The following PRKAG2 variants were observed in gnomAD, a reference collection of about 807,000 sequenced individuals.
PRKAG2 encodes the protein 5'-AMP-activated protein kinase subunit gamma-2.
PRKAG2 carries 26 observed loss-of-function variants against 69.6 expected under a neutral mutation model. The ratio of observed to expected loss-of-function variants is 0.37; its 90% CI spans 0.27 to 0.52. The LOEUF is 0.52. Ranked by LOEUF, PRKAG2 falls within the 20% of genes least tolerant of loss-of-function variation. PRKAG2 has a pLI of 0.90. For missense variants in PRKAG2, 557 were observed against 740.0 expected (o/e 0.75, Z 2.87); for synonymous variants, 293 against 285.0 (o/e 1.03, Z -0.28).
chr7:151,792,718 C>T lies in PRKAG2; in HGVS notation c.115-6177G>A, dbSNP rs144220213. Among the ~76,000 whole-genome samples, 777 of 152,358 alleles carry T rather than the reference C, an allele frequency of 5.1e-3. 5 individuals carry two copies. The highest frequency in any genetic ancestry group is 0.018 in the African/African-American group (753 of 41,580). On this transcript the variant is annotated intron_variant, in intron 1 of 15. Coordinates refer to ENST00000287878, the MANE Select transcript of PRKAG2 (RefSeq NM_016203.4). ...CACCTCAGGGCAAACTCGAGGTTTACAATATCAGGGTCACGATACAACATT... is the reference window on the plus strand; with the variant it reads ...CACCTCAGGGCAAACTCGAGGTTTATAATATCAGGGTCACGATACAACATT...
chr7:151,565,583 G>A lies in PRKAG2; in HGVS notation c.1399+137C>T, dbSNP rs1010727893. ...AATTAAACTTTTTTTACGATCCTGC[G>A]TGCCCCTTGGTGCTGAATTTATTCA... On this transcript the variant is annotated intron_variant, in intron 12 of 15. Coordinates refer to ENST00000287878, the MANE Select transcript of PRKAG2 (RefSeq NM_016203.4). 73 of 1,221,012 alleles carry A rather than the reference G, an allele frequency of 6.0e-5. No individual in the cohort carries two copies. The African/African-American group carries it at 6.8e-4, about 11-fold the overall frequency. 75.6% of individuals were successfully genotyped at this position (1,221,012 alleles called of 1,614,324 possible).
chr7:151,770,062 A>G (rs2075946937), intron 3 of PRKAG2, among the ~76,000 whole-genome samples: 1 of 152,120 alleles, frequency 6.6e-6, no homozygotes, highest in Non-Finnish European at 1.5e-5. Flanking sequence ...CTCCCTTGCT[A>G]ACCACCATTA....
At position 151,788,464 on chromosome 7, in the gene PRKAG2, C is replaced by T. The variant is rs73485961; in HGVS notation, c.115-1923G>A. ...TTGTTTGGAGAAATGTCCATTCAGG[C>T]CATTTGTCTATCTTGTTTGGAGAAA... On this transcript the variant is annotated intron_variant, in intron 1 of 15. Transcript: ENST00000287878. This position sits in a 1 kb window ranked among gnomAD's most constrained non-coding sequence, Gnocchi z 4.6. 0.01 allele frequency among the ~76,000 whole-genome samples: 1,595 copies of T among 152,264 alleles called. 23 individuals are homozygous for T. The highest frequency in any genetic ancestry group is 0.036 in the African/African-American group (1,485 of 41,544).
At chr7:151,744,001 A>G (rs181567918) in intron 3 of PRKAG2, among the ~76,000 whole-genome samples, 9 of 152,318 alleles carry the variant, frequency 5.9e-5, no homozygotes, top group African/African-American at 2.2e-4. Flanking sequence ...TACACAGCAG[A>G]GCTGGGGGCG....
At chr7:151,865,292 A>C (rs2151909432) in intron 1 of PRKAG2, among the ~76,000 whole-genome samples, 1 of 152,388 alleles carries the variant, frequency 6.6e-6, no homozygotes, top group Admixed American at 6.5e-5. Flanking sequence ...GGCGATGGGC[A>C]GACATGCAGG....
chr7:151,807,281 G>C lies in PRKAG2; in HGVS notation c.115-20740C>G. 2.5e-6 allele frequency: 1 copy of C among 395,872 alleles called. No homozygotes were observed. The highest frequency in any genetic ancestry group is 5.1e-6 in the Non-Finnish European group (1 of 194,576). 24.5% of individuals were successfully genotyped at this position (395,872 alleles called of 1,614,324 possible). On this transcript the variant is annotated intron_variant, in intron 1 of 15. Transcript: ENST00000287878. This position sits in a 1 kb window ranked among gnomAD's most constrained non-coding sequence, Gnocchi z 4.4. The stretch of plus-strand genomic sequence containing the variant: ...GCCAGTCAGCCACCAGCAGACCCAT[G>C]GGATAGGGGAAGAAAAACAAGCAAT...
chr7:151,570,433 T>C (rs2151015534), intron 9 of PRKAG2, among the ~76,000 whole-genome samples: 1 of 152,262 alleles, frequency 6.6e-6, no homozygotes, highest in Non-Finnish European at 1.5e-5. Context: ...GATGTTGCAT[T>C]TGAAGAAAAA....
intron 3 of PRKAG2, among the ~76,000 whole-genome samples, chr7:151,773,374 T>C (rs999945592): frequency 3.3e-5 from 5 of 152,220 alleles, no homozygotes; most frequent in Non-Finnish European, 7.3e-5. Flanking sequence ...ATCTATTCCA[T>C]TAAAGCAGAG....
At chr7:151,648,399 G>A (rs1196542302) in intron 4 of PRKAG2, among the ~76,000 whole-genome samples, 1 of 152,182 alleles carries the variant, frequency 6.6e-6, no homozygotes, top group Non-Finnish European at 1.5e-5. Flanking sequence ...TCCCACCGTG[G>A]TCCTCATGCC....
At chr7:151,786,378 G>A in intron 2 of PRKAG2, 92 bp downstream of exon 2, 2 of 1,262,032 alleles carry the variant, frequency 1.6e-6, no homozygotes, top group South Asian at 2.5e-5. Context: ...TGGGCGTGAG[G>A]GTGAACACAC....
In PRKAG2 at chr7:151,568,847, G is replaced by A; in HGVS notation, c.1107-5C>T. 1.2e-6 allele frequency: 2 copies of A among 1,613,532 alleles called. No homozygotes were observed. The highest frequency in any genetic ancestry group is 2.2e-5 in the South Asian group (2 of 91,040). On this transcript the variant is annotated splice_polypyrimidine_tract_variant and splice_region_variant and intron_variant, in intron 10 of 15. Coordinates refer to ENST00000287878, the MANE Select transcript of PRKAG2 (RefSeq NM_016203.4). Reference sequence around the variant, plus strand: ...GAGTATACAGCATCGAAGAGGCTGTGGGAGAAGTCATTAAAGTTGTTAGGA... The same window carrying A: ...GAGTATACAGCATCGAAGAGGCTGTAGGAGAAGTCATTAAAGTTGTTAGGA...
chr7:151,832,527 C>T (rs1388398943), intron 1 of PRKAG2, among the ~76,000 whole-genome samples: 1 of 151,648 alleles, frequency 6.6e-6, no homozygotes, highest in Middle Eastern at 3.4e-3. Flanking sequence ...AACACCCCCT[C>T]AGAGGAAGGA....
At chr7:151,709,772 CTG>C (rs1171296385) in intron 3 of PRKAG2, among the ~76,000 whole-genome samples, 2 of 152,152 alleles carry the variant, frequency 1.3e-5, no homozygotes, top group African/African-American at 2.4e-5. Context: ...GTTTCTTACA[CTG>C]TGACACGGAG....
At chr7:151,762,203 A>G (rs1032400010) in intron 3 of PRKAG2, among the ~76,000 whole-genome samples, 2 of 152,170 alleles carry the variant, frequency 1.3e-5, no homozygotes, top group African/African-American at 4.8e-5. Flanking sequence ...GGTGGGGAGA[A>G]GACGAGAGGA....
rs145568163 is a variant in PRKAG2 at position 151,572,628 on chromosome 7, G to A, written c.1051+36C>T. 433 of 1,491,308 alleles carry A rather than the reference G, an allele frequency of 2.9e-4. 1 individual carries two copies. In the African/African-American group the frequency reaches 5.3e-3, roughly 18 times the overall value. 92.4% of individuals were successfully genotyped at this position (1,491,308 alleles called of 1,614,324 possible). On this transcript the variant is annotated intron_variant, in intron 9 of 15. Coordinates refer to ENST00000287878, the MANE Select transcript of PRKAG2 (RefSeq NM_016203.4). Reference sequence around the variant, plus strand: ...TTTTCATACTAAACATAGCTTTCCCGATACTAAAAGATTTTAAACATCCAA... The same window carrying A: ...TTTTCATACTAAACATAGCTTTCCCAATACTAAAAGATTTTAAACATCCAA...
chr7:151,706,948 C>G (rs558157765), intron 3 of PRKAG2, among the ~76,000 whole-genome samples: 4 of 152,360 alleles, frequency 2.6e-5, no homozygotes, highest in Non-Finnish European at 5.9e-5. Context: ...GAGGGTGCCT[C>G]TGGCCCAACC....
At chr7:151,824,511 G>A (rs2078863504) in intron 1 of PRKAG2, among the ~76,000 whole-genome samples, 1 of 152,108 alleles carries the variant, frequency 6.6e-6, no homozygotes, top group African/African-American at 2.4e-5. Flanking sequence ...TCTGTGTGGA[G>A]CCCCTCCCTC....
intron 1 of PRKAG2, among the ~76,000 whole-genome samples, chr7:151,851,286 A>G (rs1222901355): frequency 3.3e-5 from 5 of 150,830 alleles, no homozygotes; most frequent in African/African-American, 4.9e-5. Flanking sequence ...TCACTGGAGC[A>G]TTTTGCTAAG....
In PRKAG2 at chr7:151,563,648, C is replaced by T. The variant is rs1805582683; in HGVS notation, c.1584+430G>A. 2.6e-5 allele frequency among the ~76,000 whole-genome samples: 4 copies of T among 152,222 alleles called. No individual in the cohort carries two copies. In the South Asian group the frequency reaches 6.2e-4, roughly 24 times the overall value. ...AGACTGGAGTGCAGTGGCACCGCCA[C>T]AGCTCACTGAAATATCAAGCTCTTG... is the stretch of plus-strand genomic sequence containing the variant. On this transcript the variant is annotated intron_variant, in intron 14 of 15. Transcript: ENST00000287878.
Sources: gnomAD v4.1 joint callset for allele counts (sites outside exome capture counted in the v4.1 genomes callset) on GRCh38, gnomAD v4.1.1 for gene constraint, Gnocchi (gnomAD v3.1) non-coding constraint, MANE v1.5 for transcripts, NCBI Gene and HGNC (gene_info 2026-07-23, HGNC 2026-07-21) for gene names.